The following NOTCH2 variants were observed in gnomAD, a reference collection of about 807,000 sequenced individuals.
NOTCH2 encodes neurogenic locus notch homolog protein 2.
NOTCH2 carries 29 observed loss-of-function variants against 235.8 expected under a neutral mutation model. That is an observed-to-expected ratio of 0.12 (90% confidence interval 0.09 to 0.17). The LOEUF is 0.17. Among genes scored for constraint, NOTCH2 ranks in the 10% least tolerant of loss-of-function variants. NOTCH2 has a pLI of 1.00. For synonymous variants in NOTCH2, 1,086 were observed against 1,141.5 expected, an observed-to-expected ratio of 0.95 and a Z score of 0.98; for missense variants, 2,285 against 3,150.2, an observed-to-expected ratio of 0.73 and a Z score of 6.57.
chr1:119,930,329 T>C (rs1649612204), intron 22 of NOTCH2, among the ~76,000 whole-genome samples: 1 of 151,798 alleles, frequency 6.6e-6, no homozygotes, highest in South Asian at 2.1e-4. Flanking sequence ...AATTTCCTGC[T>C]GAGAGTTCAA....
chr1:119,978,255 A>G (rs1304912869), intron 5 of NOTCH2, among the ~76,000 whole-genome samples: 1 of 152,164 alleles, frequency 6.6e-6, no homozygotes, highest in Non-Finnish European at 1.5e-5. Context: ...ATGAAAAAAA[A>G]TTCTTGTGGT....
chr1:119,958,804 C>T (rs1650815238), intron 12 of NOTCH2, among the ~76,000 whole-genome samples: 1 of 151,932 alleles, frequency 6.6e-6, no homozygotes, highest in Non-Finnish European at 1.5e-5. Flanking sequence ...GCTGTTCATA[C>T]TTTAAGAGAA....
At chr1:120,025,656 AAAG>A (rs1653811175) in intron 2 of NOTCH2, among the ~76,000 whole-genome samples, 1 of 109,908 alleles carries the variant, frequency 9.1e-6, no homozygotes, top group Admixed American at 9.6e-5. Flanking sequence ...CCCATGGTCC[AAAG>A]AAGGAGCAGT....
chr1:119,925,180 G>T, intron 25 of NOTCH2, 125 bp downstream of exon 25: 2 of 1,203,418 alleles, frequency 1.7e-6, no homozygotes, highest in Non-Finnish European at 1.2e-6. Flanking sequence ...ATGGGACAAG[G>T]CTGGCACCAT....
rs1650571640 is a variant in NOTCH2, at chr1:119,953,634, T to G, written c.2274A>C (p.Lys758Asn). ...GGCATGGATTCGAAAGGCATTCATT[T>G]TTGTCCACTTCACAGTTGATGCCAA... ...GWVGINCEVD[K>N]NECLSNPCQN... The change falls in exon 14 of 34, where the codon AAA becomes AAC. Residue 758 changes from lysine (K) to asparagine (N), a missense_variant. By Grantham distance (94) the Lys-to-Asn change is moderately conservative. Transcript: ENST00000256646. The G allele has an allele frequency of 1.2e-6, 2 of 1,614,172 alleles. No homozygotes were observed. Among genetic ancestry groups the G allele is most frequent in the Non-Finnish European group, 1.7e-6 (2 of 1,180,018 alleles).
At chr1:120,048,088 A>G (rs587772192) in intron 1 of NOTCH2, among the ~76,000 whole-genome samples, 3,235 of 150,786 alleles carry the variant, frequency 0.021, 122 homozygotes, top group African/African-American at 0.076. Context: ...TACCTTTCTA[A>G]GGCCTACAGT....
rs1201100195 is a variant in NOTCH2 at position 119,913,224 on chromosome 1, T to C, written c.*2082A>G. 1 of 233,182 alleles carries C rather than the reference T, an allele frequency of 4.3e-6. No individual in the cohort carries two copies. Among genetic ancestry groups the C allele is most frequent in the African/African-American group, 2.2e-5 (1 of 45,338 alleles). 14.4% of individuals were successfully genotyped at this position (233,182 alleles called of 1,614,324 possible). ...CACATGGAGAGAATAAAGCAGAGAATGAACAAACTTAATCTGCTTATCTCA... is the reference window on the plus strand; with the variant it reads ...CACATGGAGAGAATAAAGCAGAGAACGAACAAACTTAATCTGCTTATCTCA... On this transcript the variant is annotated 3_prime_UTR_variant, in exon 34 of 34. Coordinates refer to ENST00000256646, the MANE Select transcript of NOTCH2 (RefSeq NM_024408.4).
intron 31 of NOTCH2, 78 bp from the exon 32 acceptor site, chr1:119,918,631 A>C: frequency 6.9e-7 from 1 of 1,443,816 alleles, no homozygotes; most frequent in South Asian, 1.2e-5. Flanking sequence ...AAACAAGGGC[A>C]TCAGAGCTGA....
At chr1:119,943,618 TA>T (rs1296544415) in intron 17 of NOTCH2, among the ~76,000 whole-genome samples, 1 of 152,118 alleles carries the variant, frequency 6.6e-6, no homozygotes, top group Non-Finnish European at 1.5e-5. Flanking sequence ...AAAAGATTTT[TA>T]AAAAAATTCA....
intron 22 of NOTCH2, among the ~76,000 whole-genome samples, chr1:119,929,881 T>G (rs112187814): frequency 2.0e-5 from 3 of 152,370 alleles, no homozygotes; most frequent in African/African-American, 7.2e-5. Context: ...TCATAGTAAA[T>G]GCCCTATACA....
chr1:119,965,520 A>G lies in NOTCH2; in HGVS notation c.1614T>C (p.Ser538=), dbSNP rs1553199561. The change falls in exon 10 of 34, where the codon AGT becomes AGC. Residue 538 remains serine, a synonymous_variant. Coordinates refer to ENST00000256646, the MANE Select transcript of NOTCH2 (RefSeq NM_024408.4). The stretch of plus-strand genomic sequence containing the variant: ...ACTTTGCCCCATTCAGACACGGAGT[A>G]CTGGAACAGTCATCAATATCAATCT... ...VCQIDIDDCS[S]TPCLNGAKCI... 1 of 1,614,092 alleles carries G rather than the reference A, an allele frequency of 6.2e-7. No homozygotes were observed. The highest frequency in any genetic ancestry group is 8.5e-7 in the Non-Finnish European group (1 of 1,179,910).
chr1:119,994,421 A>T (rs1264794129), intron 4 of NOTCH2: 1 of 110,632 alleles, frequency 9.0e-6, no homozygotes, highest in African/African-American at 4.2e-5. Context: ...ATTTCCTTCT[A>T]TATATTTATC....
intron 2 of NOTCH2, among the ~76,000 whole-genome samples, chr1:120,008,990 A>C (rs1304302913): frequency 1.3e-5 from 2 of 151,854 alleles, no homozygotes; most frequent in Non-Finnish European, 2.9e-5. Context: ...GAAGTATCTC[A>C]GTTTAGAATA....
At chr1:119,944,477 T>C (rs907385578) in intron 17 of NOTCH2, among the ~76,000 whole-genome samples, 11 of 149,516 alleles carry the variant, frequency 7.4e-5, no homozygotes, top group African/African-American at 1.5e-4. Context: ...GGAGCTTGCA[T>C]TGAGCCAAGT....
intron 4 of NOTCH2, chr1:119,994,482 T>C: frequency 7.5e-6 from 1 of 133,750 alleles, no homozygotes; most frequent in East Asian, 2.0e-4. Context: ...AAGCAAGAAC[T>C]AGTCTATGTA....
At chr1:119,917,929 A>G (rs1649143879) in intron 32 of NOTCH2, among the ~76,000 whole-genome samples, 167 bp from the exon 33 acceptor site, 2 of 152,322 alleles carry the variant, frequency 1.3e-5, no homozygotes, top group South Asian at 4.1e-4. Context: ...TCTGTTCTAG[A>G]AATACTTCAG....
chr1:119,936,696 T>C (rs897658826), intron 21 of NOTCH2, among the ~76,000 whole-genome samples: 1 of 152,190 alleles, frequency 6.6e-6, no homozygotes, highest in Non-Finnish European at 1.5e-5. Context: ...TTTGAATTGG[T>C]ATCAAATTAA....
rs1383881055 is a variant in NOTCH2, at chr1:119,944,565, A to C, written c.2753-2811T>G. 4.0e-5 allele frequency among the ~76,000 whole-genome samples: 6 copies of C among 151,134 alleles called. No individual in the cohort carries two copies. The East Asian group carries it at 5.8e-4, about 15-fold the overall frequency. On this transcript the variant is annotated intron_variant, in intron 17 of 33. Transcript: ENST00000256646. ...AAAAAAAAAAAAAAAAGACCACCACACCAACAGGCATTATAATCAAGTTGG... is the reference window on the plus strand; with the variant it reads ...AAAAAAAAAAAAAAAAGACCACCACCCCAACAGGCATTATAATCAAGTTGG...
rs138832326 is a variant in NOTCH2, at chr1:119,929,116, C to T, written c.3752G>A (p.Arg1251His). Residue 1251 changes from arginine (R) to histidine (H), a missense_variant, in exon 23 of 34, where the codon CGC (arginine) becomes CAC (histidine). Around this residue, in one of 6 missense-constraint regions of NOTCH2, gnomAD observed 1,173 missense variants for 1,515.3 expected, o/e 0.77. Coordinates refer to ENST00000256646, the MANE Select transcript of NOTCH2 (RefSeq NM_024408.4). ...CMDRIGGYSCRCLPGFAGERC... is the reference protein window; with the variant it reads ...CMDRIGGYSCHCLPGFAGERC... ...CTCCCCAGCAAAGCCAGGCAAGCAG[C>T]GACAACTGTAGCCTCCAATCCTATC... 1,558 of 1,614,182 alleles carry T rather than the reference C, an allele frequency of 9.7e-4. 6 individuals carry two copies. The highest frequency in any genetic ancestry group is 8.5e-4 in the Admixed American group (51 of 60,020).
Sources: gnomAD v4.1 joint callset for allele counts (sites outside exome capture counted in the v4.1 genomes callset) on GRCh38, gnomAD v4.1.1 for gene constraint, gnomAD v4.1.1 regional missense constraint, MANE v1.5 for transcripts, NCBI Gene and HGNC (gene_info 2026-07-23, HGNC 2026-07-21) for gene names.